The following CCDC85A variants were observed in gnomAD, a reference collection of about 807,000 sequenced individuals.
CCDC85A encodes coiled-coil domain-containing protein 85A.
In CCDC85A, 38 loss-of-function variants were observed where a neutral mutation model predicts 50.2. The ratio of observed to expected loss-of-function variants is 0.76; its 90% CI spans 0.58 to 0.99. The LOEUF is 0.99. Ranked by LOEUF, CCDC85A falls within the 50% of genes least tolerant of loss-of-function variation. The probability of loss-of-function intolerance (pLI) is 0.00; values close to 1 mark genes in which losing one functional copy is unlikely to be tolerated. For missense variants in CCDC85A, 820 were observed against 742.0 expected (o/e 1.11, Z -1.22); for synonymous variants, 366 against 301.4 (o/e 1.21, Z -2.22).
intron 2 of CCDC85A, among the ~76,000 whole-genome samples, chr2:56,242,118 T>C (rs1420009113): frequency 6.6e-6 from 1 of 152,170 alleles, no homozygotes; most frequent in African/African-American, 2.4e-5. Flanking sequence ...ATTTTCCAAT[T>C]GTATGTTTTC....
At chr2:56,344,186 A>G (rs949459832) in intron 3 of CCDC85A, among the ~76,000 whole-genome samples, 2 of 152,222 alleles carry the variant, frequency 1.3e-5, no homozygotes, top group South Asian at 4.1e-4. Context: ...TATATATGAT[A>G]AAGTTTAATT....
chr2:56,241,465 C>G (rs1473996769), intron 2 of CCDC85A, among the ~76,000 whole-genome samples: 1 of 152,026 alleles, frequency 6.6e-6, no homozygotes, highest in Non-Finnish European at 1.5e-5. Context: ...CCCAATTCCC[C>G]CTCCCCACCA....
chr2:56,301,981 C>A (rs116461374), intron 2 of CCDC85A, among the ~76,000 whole-genome samples: 19,295 of 152,088 alleles, frequency 0.13, 1,384 homozygotes, highest in Admixed American at 0.21. Flanking sequence ...ATAGGCCGGG[C>A]GTAGTGGCTC....
chr2:56,307,597 G>T (rs1250161617), intron 2 of CCDC85A, among the ~76,000 whole-genome samples: 1 of 152,094 alleles, frequency 6.6e-6, no homozygotes, highest in East Asian at 1.9e-4. Context: ...TTATTTTGTG[G>T]CAGTTATTTA....
chr2:56,372,419 C>T lies in CCDC85A; in HGVS notation c.1393C>T (p.Arg465Trp), dbSNP rs769036577. ...GAAAGGCTGGGGGTCCAGAGCCCGGCGGGTCTTGCAGTGGTGGCAAGGGTG... is the reference window on the plus strand; with the variant it reads ...GAAAGGCTGGGGGTCCAGAGCCCGGTGGGTCTTGCAGTGGTGGCAAGGGTG... Reference protein sequence around the residue: ...MEKGWGSRARRVLQWWQGCRG... With the variant: ...MEKGWGSRARWVLQWWQGCRG... Residue 465 changes from arginine (R) to tryptophan (W), a missense_variant, in exon 4 of 6, where the codon CGG (arginine) becomes TGG (tryptophan). Coordinates refer to ENST00000407595, the MANE Select transcript of CCDC85A (RefSeq NM_001080433.2). 16 of 1,607,550 alleles carry T rather than the reference C, an allele frequency of 1.0e-5. No individual in the cohort carries two copies. Among genetic ancestry groups the T allele is most frequent in the South Asian group, 3.3e-5 (3 of 89,576 alleles).
intron 2 of CCDC85A, among the ~76,000 whole-genome samples, chr2:56,341,470 T>G (rs961112622): frequency 6.6e-6 from 1 of 152,194 alleles, no homozygotes; most frequent in Non-Finnish European, 1.5e-5. Context: ...AGAAGTGTGC[T>G]CTGGAGAAAG....
In CCDC85A at chr2:56,184,727, G is replaced by A; in HGVS notation, c.103G>A (p.Asp35Asn). 3 of 1,539,424 alleles carry A rather than the reference G, an allele frequency of 1.9e-6. No homozygotes were observed. Among genetic ancestry groups the A allele is most frequent in the South Asian group, 2.4e-5 (2 of 83,192 alleles). Reference sequence around the variant, plus strand: ...CGCGGCCCCGCCCGCGCCGGTGGAGGACCTGTCCAAAGTGTCGGACGAGGA... The same window carrying A: ...CGCGGCCCCGCCCGCGCCGGTGGAGAACCTGTCCAAAGTGTCGGACGAGGA... ...SSAAPPAPVE[D>N]LSKVSDEELL... is the part of the protein sequence containing the mutation. The change falls in exon 1 of 6, where the codon GAC becomes AAC. Residue 35 changes from aspartate (D) to asparagine (N), a missense_variant. Physicochemically the swap from Asp to Asn is conservative, Grantham distance 23. Transcript: ENST00000407595.
At chr2:56,217,140 G>C (rs1199539027) in intron 2 of CCDC85A, among the ~76,000 whole-genome samples, 6 of 151,852 alleles carry the variant, frequency 4.0e-5, no homozygotes, top group Admixed American at 3.3e-4. Context: ...TGTAAAAAAA[G>C]GTTTAAGTTT....
chr2:56,247,481 G>A (rs1036906553), intron 2 of CCDC85A, among the ~76,000 whole-genome samples: 1 of 152,140 alleles, frequency 6.6e-6, no homozygotes, highest in African/African-American at 2.4e-5. Flanking sequence ...TAAAGTAACT[G>A]GAGTGTTTTC....
intron 5 of CCDC85A, chr2:56,379,809 T>G: frequency 5.1e-6 from 5 of 984,412 alleles, no homozygotes; most frequent in Non-Finnish European, 6.0e-6. Flanking sequence ...AACATGACCT[T>G]AGTGAGACAG....
At chr2:56,377,229 A>G (rs1558666539) in intron 5 of CCDC85A, among the ~76,000 whole-genome samples, 1 of 152,098 alleles carries the variant, frequency 6.6e-6, no homozygotes, top group East Asian at 1.9e-4. Context: ...AGCCAGTGTG[A>G]GGGGGCACTG....
intron 3 of CCDC85A, among the ~76,000 whole-genome samples, chr2:56,352,351 C>G (rs962906587): frequency 5.9e-5 from 9 of 151,876 alleles, no homozygotes; most frequent in Non-Finnish European, 1.2e-4. Flanking sequence ...TGATTTGAGT[C>G]TTTCTTTTTC....
intron 2 of CCDC85A, among the ~76,000 whole-genome samples, chr2:56,201,898 T>G (rs1676762595): frequency 6.6e-6 from 1 of 152,180 alleles, no homozygotes; most frequent in Non-Finnish European, 1.5e-5. Context: ...GCCCATGTTC[T>G]GAATGAAATG....
intron 2 of CCDC85A, among the ~76,000 whole-genome samples, chr2:56,275,646 G>A (rs1019038598): frequency 3.9e-5 from 6 of 152,166 alleles, no homozygotes; most frequent in Admixed American, 6.5e-5. Context: ...TGAATACAGG[G>A]ACCCATGTAA....
At position 56,375,875 on chromosome 2, in the gene CCDC85A, T is replaced by C. The variant is rs1676309806; in HGVS notation, c.1512T>C (p.Ala504=). The change falls in exon 5 of 6, where the codon GCT becomes GCC. Residue 504 remains alanine, a synonymous_variant. Transcript: ENST00000407595. ...DGSNSSPNSA[A]SFSGHATPSQ... is the part of the protein sequence containing the mutation. ...GTAACAGTTCACCCAACTCTGCAGC[T>C]AGCTTCAGTGGACATGCCACACCTT... The C allele has an allele frequency of 6.2e-7, 1 of 1,613,724 alleles. No homozygotes were observed. The highest frequency in any genetic ancestry group is 1.3e-5 in the African/African-American group (1 of 74,910).
chr2:56,379,991 T>A (rs79223677), intron 5 of CCDC85A: 10,642 of 159,528 alleles, frequency 0.067, 444 homozygotes, highest in Non-Finnish European at 0.094. Context: ...TTGTTTTTAT[T>A]TTCAGTATAT....
intron 2 of CCDC85A, among the ~76,000 whole-genome samples, chr2:56,339,374 A>G (rs977938706): frequency 2.0e-5 from 3 of 152,202 alleles, no homozygotes; most frequent in African/African-American, 7.2e-5. Flanking sequence ...GAGAGAGGAT[A>G]TTTTCCAAAC....
intron 2 of CCDC85A, among the ~76,000 whole-genome samples, chr2:56,247,529 T>G (rs1669565372): frequency 6.6e-6 from 1 of 152,208 alleles, no homozygotes; most frequent in Non-Finnish European, 1.5e-5. Context: ...TTTAATGCAA[T>G]AGGAGCTCAC....
At chr2:56,293,958 T>A (rs1321458687) in intron 2 of CCDC85A, among the ~76,000 whole-genome samples, 1 of 152,222 alleles carries the variant, frequency 6.6e-6, no homozygotes, top group Non-Finnish European at 1.5e-5. Context: ...TTACTGGGTA[T>A]ACACCCAAAG....
Sources: gnomAD v4.1 joint callset for allele counts (sites outside exome capture counted in the v4.1 genomes callset) on GRCh38, gnomAD v4.1.1 for gene constraint, MANE v1.5 for transcripts, NCBI Gene and HGNC (gene_info 2026-07-23, HGNC 2026-07-21) for gene names.